AGMO: variants seen among roughly 807,000 people sequenced by gnomAD.
AGMO encodes alkylglycerol monooxygenase, also known as glyceryl-ether monooxygenase.
In AGMO, 75 loss-of-function variants were observed where a neutral mutation model predicts 60.2. The observed-to-expected ratio is 1.25, with a 90% CI of 1.03 to 1.51. The LOEUF is 1.51. Among genes scored for constraint, AGMO ranks in the 40% most tolerant of loss-of-function variants. The pLI is 0.00. For missense variants in AGMO, 763 were observed against 525.5 expected (o/e 1.45, Z -4.42); for synonymous variants, 261 against 177.1 (o/e 1.47, Z -3.76).
intron 12 of AGMO, among the ~76,000 whole-genome samples, chr7:15,362,485 G>T (rs983766288): frequency 1.3e-5 from 2 of 152,122 alleles, no homozygotes; most frequent in Non-Finnish European, 2.9e-5. Context: ...AATGATAACT[G>T]TAATTTATCA....
At chr7:15,247,162 A>T (rs1782765678) in intron 12 of AGMO, among the ~76,000 whole-genome samples, 1 of 152,168 alleles carries the variant, frequency 6.6e-6, no homozygotes, top group Non-Finnish European at 1.5e-5. Flanking sequence ...CCTAAAAAAA[A>T]AACTGAGAAA....
chr7:15,410,887 T>C (rs1285218131), intron 5 of AGMO, among the ~76,000 whole-genome samples: 1 of 151,920 alleles, frequency 6.6e-6, no homozygotes, highest in Admixed American at 6.6e-5. Flanking sequence ...AATTGTTAGA[T>C]TGAAATATGA....
the AGMO span, among the ~76,000 whole-genome samples, chr7:15,186,424 T>A: frequency 6.6e-6 from 1 of 152,202 alleles, no homozygotes; most frequent in African/African-American, 2.4e-5. Context: ...TCAGAATCCA[T>A]CTCTGTCTTC....
intron 3 of AGMO, among the ~76,000 whole-genome samples, chr7:15,542,572 G>A (rs551415651): frequency 6.6e-6 from 1 of 152,056 alleles, no homozygotes; most frequent in Non-Finnish European, 1.5e-5. Flanking sequence ...TGGGTAGTGC[G>A]GCATGAGGAA....
chr7:15,530,908 T>G (rs907548185), intron 3 of AGMO, among the ~76,000 whole-genome samples: 2 of 139,486 alleles, frequency 1.4e-5, no homozygotes, highest in Non-Finnish European at 3.1e-5. Context: ...TACAGACCAT[T>G]TTTGTTTATT....
At chr7:15,521,621 G>C (rs1467314937) in intron 3 of AGMO, among the ~76,000 whole-genome samples, 1 of 152,086 alleles carries the variant, frequency 6.6e-6, no homozygotes, top group Admixed American at 6.5e-5. Context: ...AATAGATGCA[G>C]AAAAAGCCTT....
intron 3 of AGMO, among the ~76,000 whole-genome samples, chr7:15,483,318 G>A (rs1782811364): frequency 6.6e-6 from 1 of 152,140 alleles, no homozygotes; most frequent in South Asian, 2.1e-4. Context: ...TGTAATCCCA[G>A]CACCTTGGGA....
At chr7:15,521,217 C>A (rs762634473) in intron 3 of AGMO, among the ~76,000 whole-genome samples, 1 of 152,038 alleles carries the variant, frequency 6.6e-6, no homozygotes, top group Non-Finnish European at 1.5e-5. Flanking sequence ...GCCTACCAAC[C>A]GCAAAAAGGC....
rs527435774 is a variant in AGMO at position 15,553,381 on chromosome 7, A to T, written c.257+6760T>A. The stretch of plus-strand genomic sequence containing the variant: ...ATAGAAAAAAAAGAAAGATTAAAAC[A>T]AAGTGTAGTAGAAAGTTGAAATCAT... On this transcript the variant is annotated intron_variant, in intron 2 of 12. Transcript: ENST00000342526. Among the ~76,000 whole-genome samples, 56 of 152,076 alleles carry T rather than the reference A, an allele frequency of 3.7e-4. 1 individual carries two copies. The South Asian group carries it at 0.011, about 29-fold the overall frequency.
intron 12 of AGMO, among the ~76,000 whole-genome samples, chr7:15,339,315 T>G (rs2128548255): frequency 6.6e-6 from 1 of 152,316 alleles, no homozygotes; most frequent in Admixed American, 6.5e-5. Context: ...TATTACTATT[T>G]ACAGAATTAG....
intron 12 of AGMO, among the ~76,000 whole-genome samples, chr7:15,300,912 C>G (rs1431650172): frequency 6.6e-6 from 1 of 152,096 alleles, no homozygotes; most frequent in Admixed American, 6.6e-5. Flanking sequence ...ATTTTAGTGT[C>G]AATTTGCTGT....
chr7:15,201,084 G>A lies in AGMO; in HGVS notation c.*201C>T. Reference sequence around the variant, plus strand: ...AAATCTTTTTTTAATTGTAGTAAAGGGGGGAAGTAACCAAAACTGACTTTA... The same window carrying A: ...AAATCTTTTTTTAATTGTAGTAAAGAGGGGAAGTAACCAAAACTGACTTTA... On this transcript the variant is annotated 3_prime_UTR_variant, in exon 13 of 13. Coordinates refer to ENST00000342526, the MANE Select transcript of AGMO (RefSeq NM_001004320.2). 5.0e-6 allele frequency: 2 copies of A among 398,584 alleles called. No homozygotes were observed. Among genetic ancestry groups the A allele is most frequent in the Non-Finnish European group, 8.9e-6 (2 of 225,146 alleles). 24.7% of individuals were successfully genotyped at this position (398,584 alleles called of 1,614,324 possible).
intron 12 of AGMO, among the ~76,000 whole-genome samples, chr7:15,351,935 C>T (rs574595432): frequency 1.3e-5 from 2 of 152,208 alleles, no homozygotes; most frequent in South Asian, 2.1e-4. Context: ...CATATGAATT[C>T]GGTAATATTG....
intron 1 of AGMO, 71 bp from the exon 2 acceptor site, chr7:15,560,342 T>A: frequency 6.6e-7 from 1 of 1,523,256 alleles, no homozygotes; most frequent in Non-Finnish European, 8.9e-7. Context: ...TCCTGATTAG[T>A]CATTTCAGAA....
At chr7:15,129,521 T>A in the AGMO span, among the ~76,000 whole-genome samples, 6 of 152,130 alleles carry the variant, frequency 3.9e-5, no homozygotes, top group African/African-American at 1.4e-4. Flanking sequence ...TTGTGACTTA[T>A]AATCACAGAA....
At chr7:15,422,211 A>T (rs1217321008) in intron 4 of AGMO, among the ~76,000 whole-genome samples, 2 of 152,168 alleles carry the variant, frequency 1.3e-5, no homozygotes, top group Non-Finnish European at 2.9e-5. Flanking sequence ...CTGATAACAA[A>T]AAAGGAGACA....
chr7:15,454,028 T>TA (rs1353815267), intron 3 of AGMO, among the ~76,000 whole-genome samples: 1 of 148,680 alleles, frequency 6.7e-6, no homozygotes, highest in Non-Finnish European at 1.5e-5. Flanking sequence ...TGTTTATATA[T>TA]TTTTTATATA....
intron 12 of AGMO, among the ~76,000 whole-genome samples, chr7:15,252,385 A>C (rs1364259647): frequency 6.6e-6 from 1 of 152,186 alleles, no homozygotes; most frequent in South Asian, 2.1e-4. Flanking sequence ...TGACTTGTTT[A>C]TAACAAATGG....
the AGMO span, among the ~76,000 whole-genome samples, chr7:15,172,472 G>A: frequency 1.3e-5 from 2 of 152,194 alleles, no homozygotes; most frequent in Non-Finnish European, 1.5e-5. Context: ...GAGTGAGGCA[G>A]ATTCAGTAAT....
Sources: allele counts gnomAD v4.1 joint callset (sites outside exome capture counted in the v4.1 genomes callset), GRCh38; gene constraint gnomAD v4.1.1; transcripts MANE v1.5; gene names NCBI Gene and HGNC (gene_info 2026-07-23, HGNC 2026-07-21).